WT1: variants seen among roughly 807,000 people sequenced by gnomAD.
WT1 encodes Wilms tumor protein.
A neutral mutation model predicts 60.8 loss-of-function variants in WT1; 8 were observed. That is an observed-to-expected ratio of 0.13 (90% confidence interval 0.08 to 0.24). The LOEUF is 0.24. Among genes scored for constraint, WT1 ranks in the 10% least tolerant of loss-of-function variants. WT1 has a pLI of 1.00. For synonymous variants in WT1, 312 were observed against 297.1 expected (o/e 1.05, Z -0.52); for missense variants, 568 against 711.8 (o/e 0.80, Z 2.30).
Position 32,435,192 on chromosome 11 carries a change from G to A in WT1, c.169C>T (p.Arg57Cys), listed in dbSNP as rs961526551. 6.5e-7 allele frequency: 1 copy of A among 1,529,094 alleles called. No homozygotes were observed. Among genetic ancestry groups the A allele is most frequent in the Non-Finnish European group, 8.7e-7 (1 of 1,143,366 alleles). 94.7% of individuals were successfully genotyped at this position (1,529,094 alleles called of 1,614,324 possible). ...CCGCGGCTCCTCCGGCCCTGGAGAC[G>A]TTCAGCGCTGGCCTCGGCGGCGCCT... Residue 57 changes from arginine (R) to cysteine (C), a missense_variant, in exon 1 of 10, where the codon CGT becomes TGT. Around this residue, in one of 3 missense-constraint regions of WT1, gnomAD observed 523 missense variants for 565.1 expected, o/e 0.93. Transcript: ENST00000452863.
At position 32,388,183 on chromosome 11, in the gene WT1, T is replaced by C. The variant is rs1851714759; in HGVS notation, c.*875A>G. 8.6e-6 allele frequency: 2 copies of C among 233,678 alleles called. No individual in the cohort carries two copies. Among genetic ancestry groups the C allele is most frequent in the Admixed American group, 1.1e-4 (2 of 17,772 alleles). 14.5% of individuals were successfully genotyped at this position (233,678 alleles called of 1,614,324 possible). A position where few individuals can be genotyped will look rare whatever the true frequency, so the allele number is the denominator to read the frequency against. On this transcript the variant is annotated 3_prime_UTR_variant, in exon 10 of 10. Coordinates refer to ENST00000452863, the MANE Select transcript of WT1 (RefSeq NM_024426.6). ...TCCCCTATTTTCTTTTAAAGTCACT[T>C]TCATTTTTACAACTTGAAGCCATAT...
intron 5 of WT1, among the ~76,000 whole-genome samples, chr11:32,406,140 A>G (rs1852302172): frequency 6.6e-6 from 1 of 152,126 alleles, no homozygotes; most frequent in South Asian, 2.1e-4. Context: ...GAGGCACAAC[A>G]TGTAGTTTTG....
intron 5 of WT1, among the ~76,000 whole-genome samples, chr11:32,408,698 A>G (rs1302447117): frequency 6.6e-6 from 1 of 152,116 alleles, no homozygotes; most frequent in Non-Finnish European, 1.5e-5. Context: ...CCAAATCCAG[A>G]CTGTGGGATA....
At chr11:32,430,709 G>T (rs1322127976) in intron 1 of WT1, 2 of 1,397,430 alleles carry the variant, frequency 1.4e-6, no homozygotes, top group Admixed American at 5.8e-5. Flanking sequence ...TGGCCCGCGA[G>T]CCCTCCTAGG....
intron 9 of WT1, among the ~76,000 whole-genome samples, chr11:32,389,550 T>C (rs907061482): frequency 6.6e-6 from 1 of 152,308 alleles, no homozygotes. Context: ...GTTGAGTAAG[T>C]TGGGAACTGA....
intron 5 of WT1, among the ~76,000 whole-genome samples, chr11:32,409,114 A>T (rs1287316190): frequency 6.6e-6 from 1 of 152,248 alleles, no homozygotes; most frequent in East Asian, 1.9e-4. Flanking sequence ...ATACTGGATT[A>T]TCCACATTCA....
chr11:32,399,273 A>G (rs1339880562), intron 6 of WT1, among the ~76,000 whole-genome samples: 1 of 151,666 alleles, frequency 6.6e-6, no homozygotes. Flanking sequence ...ACTATTCTGT[A>G]TGATACTAGA....
intron 1 of WT1, chr11:32,430,456 GA>G (rs1853253395): frequency 6.6e-4 from 139 of 211,970 alleles, no homozygotes; most frequent in African/African-American, 1.1e-3. Flanking sequence ...GAGAGGGAGG[GA>G]GAGAGAGAGA....
chr11:32,419,481 A>C (rs1474555497), intron 3 of WT1, among the ~76,000 whole-genome samples: 3 of 152,208 alleles, frequency 2.0e-5, no homozygotes, highest in Non-Finnish European at 2.9e-5. Flanking sequence ...CTTTGGGGAT[A>C]TGGGATCTTT....
intron 7 of WT1, among the ~76,000 whole-genome samples, chr11:32,393,599 G>A (rs1281841284): frequency 6.6e-6 from 1 of 152,202 alleles, no homozygotes; most frequent in East Asian, 1.9e-4. Context: ...CAATCTCAAA[G>A]CCTGGGCTAT....
rs2234590 is a variant in WT1, at chr11:32,399,987, T to C, written c.1074A>G (p.Gln358=). The change falls in exon 6 of 10, where the codon CAA becomes CAG. Residue 358 remains glutamine (Q), a synonymous_variant. Coordinates refer to ENST00000452863, the MANE Select transcript of WT1 (RefSeq NM_024426.6). ...AGACACCGTGCGTGTGTATTCTGTA[T>C]TGGGCTCCGCAGAGGATGGGCGTTG... is the stretch of plus-strand genomic sequence containing the variant. 8.3e-3 allele frequency: 13,359 copies of C among 1,614,154 alleles called. 839 individuals carry two copies. In the African/African-American group the frequency reaches 0.15, roughly 18 times the overall value.
At chr11:32,422,608 C>G (rs913954380) in intron 3 of WT1, among the ~76,000 whole-genome samples, 1 of 152,200 alleles carries the variant, frequency 6.6e-6, no homozygotes, top group African/African-American at 2.4e-5. Context: ...ATCGGCACTT[C>G]CCACTGAGTT....
intron 7 of WT1, among the ~76,000 whole-genome samples, chr11:32,395,439 G>C (rs959567622): frequency 6.6e-6 from 1 of 151,362 alleles, no homozygotes; most frequent in Admixed American, 6.6e-5. Flanking sequence ...TTTCATTGGC[G>C]TATCTTCAAA....
Position 32,400,063 on chromosome 11 carries a change from G to C in WT1, c.1017-19C>G. ...GCTGTGGCTGCAAACACAAAGAAGG[G>C]AAAAAGGCTCAGTGTGGCTCACAGT... On this transcript the variant is annotated intron_variant, in intron 5 of 9. Coordinates refer to ENST00000452863, the MANE Select transcript of WT1 (RefSeq NM_024426.6). 6.2e-7 allele frequency: 1 copy of C among 1,613,774 alleles called. No homozygotes were observed. The highest frequency in any genetic ancestry group is 1.1e-5 in the South Asian group (1 of 90,996).
intron 5 of WT1, among the ~76,000 whole-genome samples, chr11:32,403,298 C>T (rs1454834684): frequency 1.3e-5 from 2 of 152,152 alleles, no homozygotes; most frequent in Non-Finnish European, 2.9e-5. Context: ...AACGTACTGG[C>T]ATCTGATGTG....
chr11:32,424,273 A>G (rs145544465), intron 3 of WT1, among the ~76,000 whole-genome samples: 22 of 152,210 alleles, frequency 1.4e-4, no homozygotes, highest in Non-Finnish European at 2.4e-4. Context: ...TGGGCTGTGA[A>G]GTCAGAGAGA....
rs777650194 is a variant in WT1, at chr11:32,417,557, T to A, written c.965+20A>T. Reference sequence around the variant, plus strand: ...GGTATAAGTTACTGTGGAAAGGCAATGGAATAGAGAAAACCTTACCCCTTT... The same window carrying A: ...GGTATAAGTTACTGTGGAAAGGCAAAGGAATAGAGAAAACCTTACCCCTTT... On this transcript the variant is annotated intron_variant, in intron 4 of 9. Transcript: ENST00000452863. 6.2e-7 allele frequency: 1 copy of A among 1,606,376 alleles called. No homozygotes were observed.
chr11:32,415,985 C>G (rs575879900), intron 5 of WT1, among the ~76,000 whole-genome samples: 1 of 152,254 alleles, frequency 6.6e-6, no homozygotes, highest in African/African-American at 2.4e-5. Flanking sequence ...AGAAATTCCC[C>G]AAGGTGCAGG....
At chr11:32,403,660 C>T (rs1016688478) in intron 5 of WT1, among the ~76,000 whole-genome samples, 2 of 151,408 alleles carry the variant, frequency 1.3e-5, no homozygotes, top group African/African-American at 4.9e-5. Flanking sequence ...CTGCAACCCC[C>T]GCCTCCTGGG....
Sources: allele counts gnomAD v4.1 joint callset (sites outside exome capture counted in the v4.1 genomes callset), GRCh38; gene constraint gnomAD v4.1.1; regional missense constraint gnomAD v4.1.1; transcripts MANE v1.5; gene names NCBI Gene and HGNC (gene_info 2026-07-23, HGNC 2026-07-21).